The following DHX57 variants were observed in gnomAD, a reference collection of about 807,000 sequenced individuals.
DHX57 encodes the protein DExH-box helicase 57.
In DHX57, 105 loss-of-function variants were observed where a neutral mutation model predicts 156.2. That is an observed-to-expected ratio of 0.67 (90% confidence interval 0.57 to 0.79). DHX57 has a LOEUF of 0.79. DHX57 is among the 30% of genes least tolerant of loss of function. The probability of loss-of-function intolerance (pLI) is 0.00; values close to 1 mark genes in which losing one functional copy is unlikely to be tolerated. For synonymous variants in DHX57, 704 were observed against 595.6 expected (o/e 1.18, Z -2.65); for missense variants, 1,847 against 1,661.9 (o/e 1.11, Z -1.94).
intron 9 of DHX57, among the ~76,000 whole-genome samples, chr2:38,850,137 A>T (rs1672504178): frequency 6.6e-6 from 1 of 152,234 alleles, no homozygotes; most frequent in Admixed American, 6.5e-5. Flanking sequence ...GTAAGAAAAA[A>T]AGGTCAGAAA....
chr2:38,820,789 C>T (rs894266130), intron 17 of DHX57, among the ~76,000 whole-genome samples: 5 of 150,502 alleles, frequency 3.3e-5, no homozygotes, highest in South Asian at 4.2e-4. Flanking sequence ...ATTTATTCTC[C>T]GAACTATATA....
intron 2 of DHX57, 66 bp downstream of exon 2, chr2:38,868,116 C>A: frequency 6.4e-7 from 1 of 1,570,814 alleles, no homozygotes; most frequent in South Asian, 1.1e-5. Context: ...TCTCAGCCAT[C>A]TGTTGTCCCA....
In DHX57 at chr2:38,862,089, T is replaced by A. The variant is rs1673258543; in HGVS notation, c.572+56A>T. 4 of 1,525,776 alleles carry A rather than the reference T, an allele frequency of 2.6e-6. No individual in the cohort carries two copies. The Admixed American group carries it at 6.0e-5, about 23-fold the overall frequency. The allele number at this position is 1,525,776 out of a possible 1,614,324, so 94.5% of individuals were successfully genotyped here. On this transcript the variant is annotated intron_variant, in intron 4 of 23. Transcript: ENST00000457308. ...CACAAAGAGGGGTAGTGGGTTTATA[T>A]GATTTCGGTTTCCTTGAATTCTTTC...
At chr2:38,803,902 C>T (rs1669816678) in intron 22 of DHX57, among the ~76,000 whole-genome samples, 1 of 152,090 alleles carries the variant, frequency 6.6e-6, no homozygotes, top group South Asian at 2.1e-4. Context: ...CTGCCTCAGC[C>T]TCCCAAGTAG....
chr2:38,802,758 G>A lies in DHX57; in HGVS notation c.3974C>T (p.Ser1325Phe). 1 of 1,614,100 alleles carries A rather than the reference G, an allele frequency of 6.2e-7. No homozygotes were observed. Among genetic ancestry groups the A allele is most frequent in the Non-Finnish European group, 8.5e-7 (1 of 1,180,004 alleles). ...AAAACGGATCCAACCATCATCCAGG[G>A]AGACAACGAACTCTCCTCTTTGAAG... ...VQLQRGEFVV[S>F]LDDGWIRFVA... The change falls in exon 23 of 24, where the codon TCC becomes TTC. Residue 1325 changes from serine (S) to phenylalanine (F), a missense_variant. Physicochemically the swap from Ser to Phe is radical, Grantham distance 155 (BLOSUM62 -2). Transcript: ENST00000457308.
intron 2 of DHX57, 128 bp downstream of exon 2, chr2:38,868,054 G>T: frequency 5.9e-6 from 7 of 1,190,290 alleles, no homozygotes; most frequent in Admixed American, 2.3e-5. Context: ...CTTCAGAAAA[G>T]GGTTACAAAG....
chr2:38,848,456 T>C (rs1472835811), intron 9 of DHX57, 54 bp from the exon 10 acceptor site: 1 of 1,532,070 alleles, frequency 6.5e-7, no homozygotes, highest in African/African-American at 1.4e-5. Context: ...CACATGAAAA[T>C]TAGTAACTTT....
intron 20 of DHX57, 81 bp from the exon 21 acceptor site, chr2:38,813,976 C>A: frequency 6.6e-7 from 1 of 1,504,874 alleles, no homozygotes; most frequent in South Asian, 1.1e-5. Flanking sequence ...CTTGCTCTGT[C>A]ACCCAGGCAA....
intron 11 of DHX57, 66 bp downstream of exon 11, chr2:38,846,953 T>C: frequency 7.0e-7 from 1 of 1,419,368 alleles, no homozygotes; most frequent in Non-Finnish European, 9.8e-7. Flanking sequence ...TCCAAAGTGC[T>C]AGAATTACAG....
At chr2:38,806,861 C>T (rs1669965547) in intron 21 of DHX57, among the ~76,000 whole-genome samples, 168 bp from the exon 22 acceptor site, 1 of 136,392 alleles carries the variant, frequency 7.3e-6, no homozygotes, top group Admixed American at 8.4e-5. Flanking sequence ...AGAACAAGCA[C>T]ATGCTTTTTT....
chr2:38,839,557 CA>C (rs10708087), intron 12 of DHX57, among the ~76,000 whole-genome samples: 69,281 of 140,878 alleles, frequency 0.49, 16,782 homozygotes, highest in African/African-American at 0.62. Context: ...ACTAAAAATA[CA>C]AAAAAAAAAA....
intron 5 of DHX57, 42 bp downstream of exon 5, chr2:38,860,957 C>G: frequency 6.5e-7 from 1 of 1,550,128 alleles, no homozygotes; most frequent in Non-Finnish European, 8.8e-7. Context: ...CTAAACCCAT[C>G]ATTCTGAATG....
chr2:38,818,774 A>G (rs891089995), intron 19 of DHX57, 103 bp downstream of exon 19: 1 of 1,302,172 alleles, frequency 7.7e-7, no homozygotes, highest in African/African-American at 1.5e-5. Flanking sequence ...TTCCAGAAAT[A>G]ACATTTGCAA....
At chr2:38,874,686 G>T (rs1665524607) in intron 1 of DHX57, among the ~76,000 whole-genome samples, 1 of 152,146 alleles carries the variant, frequency 6.6e-6, no homozygotes, top group Non-Finnish European at 1.5e-5. Flanking sequence ...TGGGATTACA[G>T]GCGTGAGCCA....
At chr2:38,873,520 A>T (rs189500878) in intron 1 of DHX57, among the ~76,000 whole-genome samples, 1 of 152,340 alleles carries the variant, frequency 6.6e-6, no homozygotes, top group Non-Finnish European at 1.5e-5. Flanking sequence ...AGCTCTTTGA[A>T]AACAAGACTA....
chr2:38,827,623 A>G (rs1260852209), intron 14 of DHX57, among the ~76,000 whole-genome samples: 1 of 150,138 alleles, frequency 6.7e-6, no homozygotes, highest in African/African-American at 2.4e-5. Context: ...GTAACCTCAG[A>G]AACTTCATTC....
intron 19 of DHX57, among the ~76,000 whole-genome samples, chr2:38,816,625 CAA>C (rs944404429): frequency 1.1e-4 from 16 of 152,046 alleles, no homozygotes; most frequent in African/African-American, 3.9e-4. Flanking sequence ...GCACATCAGA[CAA>C]AGAGAAGGAA....
At chr2:38,846,813 T>C (rs750028964) in intron 11 of DHX57, among the ~76,000 whole-genome samples, 1 of 151,956 alleles carries the variant, frequency 6.6e-6, no homozygotes, top group East Asian at 1.9e-4. Flanking sequence ...TTCTGGCACA[T>C]TGAGGGTCAA....
chr2:38,813,373 TAA>T (rs1670368130), intron 21 of DHX57, among the ~76,000 whole-genome samples: 1 of 151,830 alleles, frequency 6.6e-6, no homozygotes. Flanking sequence ...AAATGTATAC[TAA>T]GTTTTTTTTT....
Sources: allele counts gnomAD v4.1 joint callset (sites outside exome capture counted in the v4.1 genomes callset), GRCh38; gene constraint gnomAD v4.1.1; transcripts MANE v1.5; gene names NCBI Gene and HGNC (gene_info 2026-07-23, HGNC 2026-07-21).